CD86: variants seen among roughly 807,000 people sequenced by gnomAD.
CD86 encodes the protein CD86 molecule, also known as T-lymphocyte activation antigen CD86.
CD86 carries 11 observed loss-of-function variants against 32.1 expected under a neutral mutation model. The observed-to-expected ratio is 0.34, with a 90% CI of 0.22 to 0.57. The LOEUF (loss-of-function observed/expected upper bound fraction) is 0.57, where lower values mean the gene tolerates loss of function less well. Among genes scored for constraint, CD86 ranks in the 20% least tolerant of loss-of-function variants. CD86 has a pLI of 0.86. For missense variants in CD86, 359 were observed against 398.4 expected (o/e 0.90, Z 0.84); for synonymous variants, 137 against 135.3 (o/e 1.01, Z -0.09).
chr3:122,113,667 A>G (rs1451695021), intron 5 of CD86, among the ~76,000 whole-genome samples: 1 of 152,136 alleles, frequency 6.6e-6, no homozygotes, highest in Non-Finnish European at 1.5e-5. Context: ...AGAATTGTCT[A>G]TTCATGTCCT....
intron 2 of CD86, among the ~76,000 whole-genome samples, chr3:122,096,362 A>T (rs1194616335): frequency 1.3e-5 from 2 of 152,242 alleles, no homozygotes; most frequent in Admixed American, 1.3e-4. Context: ...GGCATGGCCT[A>T]TCTATTTTTA....
At chr3:122,061,841 G>A (rs1184038116) in intron 1 of CD86, among the ~76,000 whole-genome samples, 1 of 152,042 alleles carries the variant, frequency 6.6e-6, no homozygotes, top group Non-Finnish European at 1.5e-5. Context: ...GCATTCTTGG[G>A]TTTTGATCCC....
chr3:122,106,060 G>C (rs746388129), intron 3 of CD86, 138 bp from the exon 4 acceptor site: 2 of 613,160 alleles, frequency 3.3e-6, no homozygotes, highest in Non-Finnish European at 5.6e-6. Flanking sequence ...ACCTTGGGCT[G>C]AGGGTCACAT....
At chr3:122,112,817 T>A (rs2073195822) in intron 5 of CD86, among the ~76,000 whole-genome samples, 1 of 152,238 alleles carries the variant, frequency 6.6e-6, no homozygotes, top group Admixed American at 6.5e-5. Context: ...TAAGTACCTT[T>A]TTTTACATTT....
intron 1 of CD86, among the ~76,000 whole-genome samples, chr3:122,090,452 CT>C (rs2107525941): frequency 6.6e-6 from 1 of 152,210 alleles, no homozygotes; most frequent in Admixed American, 6.5e-5. Context: ...TTAGGTTTTC[CT>C]TTTTACATTG....
chr3:122,102,894 G>A (rs1257932717), intron 2 of CD86, among the ~76,000 whole-genome samples: 1 of 136,898 alleles, frequency 7.3e-6, no homozygotes, highest in Non-Finnish European at 1.5e-5. Context: ...CATGGGAGCA[G>A]CAGTCATAGG....
intron 1 of CD86, among the ~76,000 whole-genome samples, chr3:122,059,655 GA>G (rs2072296832): frequency 6.6e-6 from 1 of 152,180 alleles, no homozygotes; most frequent in African/African-American, 2.4e-5. Flanking sequence ...GATGTGACAT[GA>G]AAGGTAACTG....
intron 5 of CD86, among the ~76,000 whole-genome samples, chr3:122,113,314 C>T (rs1033874539): frequency 1.3e-5 from 2 of 152,162 alleles, no homozygotes; most frequent in African/African-American, 2.4e-5. Context: ...TATAAACATG[C>T]GTGTGCATGT....
At chr3:122,116,956 C>T (rs570578509) in intron 5 of CD86, among the ~76,000 whole-genome samples, 2 of 152,218 alleles carry the variant, frequency 1.3e-5, no homozygotes, top group South Asian at 2.1e-4. Context: ...GTGGTGGTTA[C>T]GTGACTATAT....
chr3:122,110,334 CTAACTTTA>C (rs1207963069), intron 5 of CD86, among the ~76,000 whole-genome samples: 2 of 152,278 alleles, frequency 1.3e-5, no homozygotes, highest in Non-Finnish European at 2.9e-5. Flanking sequence ...AAAGTGGTCC[CTAACTTTA>C]TAATAATGCC....
intron 1 of CD86, among the ~76,000 whole-genome samples, chr3:122,072,430 T>C (rs1368164791): frequency 6.6e-6 from 1 of 152,164 alleles, no homozygotes; most frequent in Non-Finnish European, 1.5e-5. Context: ...TTCTAACTGG[T>C]GTGAGATGGT....
chr3:122,086,794 T>C (rs903007985), intron 1 of CD86, among the ~76,000 whole-genome samples: 2 of 152,176 alleles, frequency 1.3e-5, no homozygotes, highest in African/African-American at 4.8e-5. Flanking sequence ...GGAGCCACCA[T>C]CACACCTGGC....
rs542412448 is a variant in CD86, at chr3:122,067,093, G to A, written c.14+11590G>A. 1.1e-4 allele frequency among the ~76,000 whole-genome samples: 17 copies of A among 152,256 alleles called. No homozygotes were observed. The South Asian group carries it at 3.1e-3, about 28-fold the overall frequency. ...GGGGGATGGTGGGGAAGATGGTCAC[G>A]GAATAGTGAATGGTTCAAGTGAAAC... On this transcript the variant is annotated intron_variant, in intron 1 of 6. Transcript: ENST00000330540.
At position 122,109,326 on chromosome 3, in the gene CD86, A is replaced by C; in HGVS notation, c.765A>C (p.Thr255=). The C allele has an allele frequency of 6.2e-7, 1 of 1,614,058 alleles. No individual in the cohort carries two copies. Among genetic ancestry groups the C allele is most frequent in the South Asian group, 1.1e-5 (1 of 91,070 alleles). The change falls in exon 5 of 7, where the codon ACA becomes ACC. Residue 255 remains threonine, a synonymous_variant. Coordinates refer to ENST00000330540, the MANE Select transcript of CD86 (RefSeq NM_175862.5). ...CTTGGATTACAGCTGTACTTCCAAC[A>C]GTTATTATATGTGTGATGGTTTTCT... ...HIPWITAVLP[T]VIICVMVFCL...
chr3:122,082,147 C>G (rs887639348), intron 1 of CD86, among the ~76,000 whole-genome samples: 3 of 152,140 alleles, frequency 2.0e-5, no homozygotes, highest in Non-Finnish European at 2.9e-5. Flanking sequence ...TGTTATCACC[C>G]CCACTTTGGT....
chr3:122,068,474 C>G (rs1390607562), intron 1 of CD86, among the ~76,000 whole-genome samples: 1 of 152,124 alleles, frequency 6.6e-6, no homozygotes, highest in African/African-American at 2.4e-5. Context: ...AAAGAAATGA[C>G]AGTTTCTCAG....
chr3:122,115,179 A>G (rs1425324771), intron 5 of CD86, among the ~76,000 whole-genome samples: 5 of 152,250 alleles, frequency 3.3e-5, no homozygotes, highest in African/African-American at 1.2e-4. Context: ...CACAGGATAC[A>G]AAGTCAATAC....
chr3:122,116,107 AG>A (rs1249142969), intron 5 of CD86, among the ~76,000 whole-genome samples: 1 of 152,226 alleles, frequency 6.6e-6, no homozygotes, highest in Non-Finnish European at 1.5e-5. Context: ...CTTCTTAGAT[AG>A]GACACAGAAA....
chr3:122,090,745 G>C (rs1243111388), intron 1 of CD86, among the ~76,000 whole-genome samples: 1 of 152,160 alleles, frequency 6.6e-6, no homozygotes, highest in African/African-American at 2.4e-5. Flanking sequence ...AAGTGCGTGG[G>C]TAGTGAAGGA....
Sources: allele counts gnomAD v4.1 joint callset (sites outside exome capture counted in the v4.1 genomes callset), GRCh38; gene constraint gnomAD v4.1.1; transcripts MANE v1.5; gene names NCBI Gene and HGNC (gene_info 2026-07-23, HGNC 2026-07-21).